The following ABTB3 variants were observed in gnomAD, a reference collection of about 807,000 sequenced individuals.
ABTB3 encodes ankyrin repeat and BTB domain containing 3.
chr12:107,521,625 C>T, the ABTB3 span, among the ~76,000 whole-genome samples: 1 of 152,044 alleles, frequency 6.6e-6, no homozygotes, highest in East Asian at 1.9e-4. Flanking sequence ...TTCAGTGGTT[C>T]CCCATCTGAC....
chr12:107,426,871 G>T, the ABTB3 span, among the ~76,000 whole-genome samples: 1 of 151,716 alleles, frequency 6.6e-6, no homozygotes, highest in Non-Finnish European at 1.5e-5. Flanking sequence ...CCTTCCCCAC[G>T]CCCACTGCTA....
the ABTB3 span, among the ~76,000 whole-genome samples, chr12:107,423,716 A>G: frequency 6.6e-6 from 1 of 152,206 alleles, no homozygotes; most frequent in Non-Finnish European, 1.5e-5. Flanking sequence ...TTATTCAGAC[A>G]AAAGTTTGGT....
chr12:107,340,702 G>A, the ABTB3 span, among the ~76,000 whole-genome samples: 1 of 151,764 alleles, frequency 6.6e-6, no homozygotes, highest in Non-Finnish European at 1.5e-5. Flanking sequence ...ATTTTAGAGA[G>A]AATAAAAAAA....
chr12:107,645,335 A>C, the ABTB3 span, among the ~76,000 whole-genome samples: 2 of 152,078 alleles, frequency 1.3e-5, no homozygotes, highest in Non-Finnish European at 2.9e-5. Context: ...TCTGAGAACC[A>C]CTGCTGCCCC....
At chr12:107,382,561 G>A in the ABTB3 span, among the ~76,000 whole-genome samples, 1 of 152,170 alleles carries the variant, frequency 6.6e-6, no homozygotes, top group Non-Finnish European at 1.5e-5. Context: ...ATTTTGGGCT[G>A]AGACTATAGG....
chr12:107,496,110 G>A, the ABTB3 span, among the ~76,000 whole-genome samples: 1 of 152,128 alleles, frequency 6.6e-6, no homozygotes, highest in East Asian at 1.9e-4. Flanking sequence ...GCCCTCCAGC[G>A]TGTGCATAAC....
At chr12:107,632,522 G>C in the ABTB3 span, among the ~76,000 whole-genome samples, 1 of 152,246 alleles carries the variant, frequency 6.6e-6, no homozygotes, top group Non-Finnish European at 1.5e-5. Flanking sequence ...GGATCACAGA[G>C]ATGATGAAAT....
the ABTB3 span, among the ~76,000 whole-genome samples, chr12:107,324,058 CAG>C: frequency 6.6e-6 from 1 of 152,128 alleles, no homozygotes; most frequent in African/African-American, 2.4e-5. Context: ...AGCTGTAAAA[CAG>C]AGGTAATAAT....
At chr12:107,365,151 A>G in the ABTB3 span, among the ~76,000 whole-genome samples, 27 of 152,326 alleles carry the variant, frequency 1.8e-4, 1 homozygote, top group African/African-American at 6.3e-4. Flanking sequence ...CGGTGACTTC[A>G]CAGTTAAAGT....
chr12:107,353,578 A>G, the ABTB3 span, among the ~76,000 whole-genome samples: 1 of 152,160 alleles, frequency 6.6e-6, no homozygotes, highest in Admixed American at 6.5e-5. Context: ...GGATTACATA[A>G]TTTGAGGCAT....
At chr12:107,372,602 T>A in the ABTB3 span, among the ~76,000 whole-genome samples, 14 of 152,140 alleles carry the variant, frequency 9.2e-5, no homozygotes, top group Admixed American at 4.6e-4. Context: ...CATTCGCCTC[T>A]GTGCTCACTG....
the ABTB3 span, among the ~76,000 whole-genome samples, chr12:107,469,407 T>C: frequency 6.6e-6 from 1 of 152,222 alleles, no homozygotes; most frequent in Non-Finnish European, 1.5e-5. Context: ...GTGCAGGACC[T>C]TGGACAAGCT....
At chr12:107,564,082 CTA>C in the ABTB3 span, among the ~76,000 whole-genome samples, 446 of 142,486 alleles carry the variant, frequency 3.1e-3, 9 homozygotes, top group East Asian at 0.027. Context: ...CTCTCTCTAT[CTA>C]TCTCTCTGTG....
the ABTB3 span, among the ~76,000 whole-genome samples, chr12:107,566,450 G>C: frequency 2.6e-5 from 4 of 152,094 alleles, no homozygotes; most frequent in Non-Finnish European, 5.9e-5. Context: ...CTCACAGTAT[G>C]AGTTAGTTAT....
At chr12:107,458,748 A>G in the ABTB3 span, among the ~76,000 whole-genome samples, 1 of 152,136 alleles carries the variant, frequency 6.6e-6, no homozygotes, top group Admixed American at 6.5e-5. Context: ...GAGTTCCTCT[A>G]GATACCCTGT....
At chr12:107,506,479 A>T in the ABTB3 span, among the ~76,000 whole-genome samples, 1 of 152,256 alleles carries the variant, frequency 6.6e-6, no homozygotes, top group African/African-American at 2.4e-5. Flanking sequence ...TGATATTTCT[A>T]TAGAAAACTA....
the ABTB3 span, among the ~76,000 whole-genome samples, chr12:107,546,696 T>A: frequency 6.6e-6 from 1 of 151,976 alleles, no homozygotes; most frequent in Non-Finnish European, 1.5e-5. Context: ...AAACCCCATC[T>A]CTACTAAAAA....
chr12:107,466,704 T>C, the ABTB3 span, among the ~76,000 whole-genome samples: 1 of 152,202 alleles, frequency 6.6e-6, no homozygotes, highest in African/African-American at 2.4e-5. Flanking sequence ...CCAAAGAGCA[T>C]GCAGGGCCTC....
At chr12:107,653,371 G>C in the ABTB3 span, among the ~76,000 whole-genome samples, 416 of 152,200 alleles carry the variant, frequency 2.7e-3, 6 homozygotes, top group East Asian at 0.026. Context: ...AAAAAAATTA[G>C]CTGGGCATGG....
Sources: gnomAD v4.1 joint callset for allele counts (sites outside exome capture counted in the v4.1 genomes callset) on GRCh38, gnomAD v4.1.1 for gene constraint, MANE v1.5 for transcripts, NCBI Gene and HGNC (gene_info 2026-07-23, HGNC 2026-07-21) for gene names.